The following ELAVL4 variants were observed in gnomAD, a reference collection of about 807,000 sequenced individuals.
ELAVL4 encodes ELAV like RNA binding protein 4.
In ELAVL4, 1 loss-of-function variant was observed where a neutral mutation model predicts 35.6. The observed-to-expected ratio is 0.03, with a 90% CI of 0.01 to 0.13. The LOEUF (loss-of-function observed/expected upper bound fraction) is 0.13, where lower values mean the gene tolerates loss of function less well. Among genes scored for constraint, ELAVL4 ranks in the 10% least tolerant of loss-of-function variants. The probability of loss-of-function intolerance (pLI) is 1.00; values close to 1 mark genes in which losing one functional copy is unlikely to be tolerated. For synonymous variants in ELAVL4, 156 were observed against 171.0 expected (o/e 0.91, Z 0.69); for missense variants, 267 against 464.9 (o/e 0.57, Z 3.91).
chr1:50,048,095 G>A, exon 1 of ELAVL4: 2 of 1,445,426 alleles, frequency 1.4e-6, no homozygotes, highest in Non-Finnish European at 1.8e-6. Flanking sequence ...CTCTGCGGAC[G>A]TCTTCCCGCC....
intron 1 of ELAVL4, among the ~76,000 whole-genome samples, chr1:50,110,470 T>G (rs1666883028): frequency 6.6e-6 from 1 of 152,204 alleles, no homozygotes; most frequent in Admixed American, 6.5e-5. Context: ...AAAACCTTTC[T>G]GCCGAAGTAG....
At chr1:50,170,157 T>C (rs879299918) in intron 2 of ELAVL4, among the ~76,000 whole-genome samples, 55 of 152,282 alleles carry the variant, frequency 3.6e-4, no homozygotes, top group African/African-American at 1.2e-3. Flanking sequence ...TCAGACAGTA[T>C]CTTGTGGGGC....
At chr1:50,063,250 G>A (rs559232145) in intron 1 of ELAVL4, among the ~76,000 whole-genome samples, 2 of 152,146 alleles carry the variant, frequency 1.3e-5, no homozygotes, top group Non-Finnish European at 1.5e-5. Context: ...CTTGGTAATT[G>A]AGTAAACGCT....
intron 3 of ELAVL4, chr1:50,180,257 A>G (rs1310537593): frequency 6.6e-6 from 1 of 152,104 alleles, no homozygotes; most frequent in Non-Finnish European, 1.5e-5. Flanking sequence ...CTGAAACCCA[A>G]AATGCTCCAA....
At chr1:50,133,639 GAAAGAAAGAAAGAGAA>G (rs1291424633) in intron 1 of ELAVL4, among the ~76,000 whole-genome samples, 15 of 147,542 alleles carry the variant, frequency 1.0e-4, no homozygotes, top group African/African-American at 3.1e-4. Flanking sequence ...AAGAAAGAAA[GAAAGAAAGAAAGAGAA>G]AGAAAGAAAG....
chr1:50,110,093 G>T, intron 1 of ELAVL4: 1 of 1,230,864 alleles, frequency 8.1e-7, no homozygotes. Flanking sequence ...GATCGTTTGT[G>T]TGTGTATGTA....
At chr1:50,164,019 G>T (rs539880685) in intron 2 of ELAVL4, among the ~76,000 whole-genome samples, 1 of 152,160 alleles carries the variant, frequency 6.6e-6, no homozygotes. Flanking sequence ...CCTCTGGGCC[G>T]TAATGGGCCT....
chr1:50,106,425 A>G, upstream of ELAVL4: 1 of 1,552,322 alleles, frequency 6.4e-7, no homozygotes, highest in Non-Finnish European at 8.9e-7. Context: ...TGGCAGCCCC[A>G]CAGTGCTGGG....
chr1:50,174,926 T>A (rs1017786677), intron 2 of ELAVL4, among the ~76,000 whole-genome samples: 1 of 152,186 alleles, frequency 6.6e-6, no homozygotes, highest in Non-Finnish European at 1.5e-5. Flanking sequence ...CAATGTGAGT[T>A]AGGTCTAATT....
chr1:50,092,557 T>C (rs1204672565), intron 1 of ELAVL4, among the ~76,000 whole-genome samples: 1 of 152,238 alleles, frequency 6.6e-6, no homozygotes, highest in Non-Finnish European at 1.5e-5. Flanking sequence ...AGGCAGTGGT[T>C]TGGGTCTGAC....
intron 1 of ELAVL4, among the ~76,000 whole-genome samples, chr1:50,133,598 G>GA (rs558790758): frequency 0.018 from 645 of 36,264 alleles, 9 homozygotes; most frequent in African/African-American, 0.054. Flanking sequence ...AAGAAAGAAA[G>GA]AAAAGAAAGA....
chr1:50,112,862 C>A (rs984767703), intron 1 of ELAVL4, among the ~76,000 whole-genome samples: 1 of 152,010 alleles, frequency 6.6e-6, no homozygotes, highest in Non-Finnish European at 1.5e-5. Flanking sequence ...CCCAATACTC[C>A]TTCCTTGGTC....
At chr1:50,104,993 G>A (rs11205683), upstream of ELAVL4, among the ~76,000 whole-genome samples, 14,251 of 152,242 alleles carry the variant, frequency 0.094, 918 homozygotes, top group African/African-American at 0.17. Flanking sequence ...ACAGCAATGG[G>A]TAGAGACATG....
intron 1 of ELAVL4, among the ~76,000 whole-genome samples, chr1:50,058,333 A>T (rs955937133): frequency 1.3e-5 from 2 of 152,228 alleles, no homozygotes; most frequent in African/African-American, 4.8e-5. Context: ...TTGATGTGAG[A>T]TGGATTGACA....
At chr1:50,104,724 A>G (rs535450386), upstream of ELAVL4, among the ~76,000 whole-genome samples, 1 of 152,240 alleles carries the variant, frequency 6.6e-6, no homozygotes, top group African/African-American at 2.4e-5. Context: ...TGCATGCTTT[A>G]TAAGTAATAA....
chr1:50,058,839 A>G (rs532782934), intron 1 of ELAVL4, among the ~76,000 whole-genome samples: 1 of 152,136 alleles, frequency 6.6e-6, no homozygotes, highest in South Asian at 2.1e-4. Context: ...CCTGGGCTCA[A>G]GCAATCCATC....
At chr1:50,153,692 T>A (rs1035139507) in intron 2 of ELAVL4, among the ~76,000 whole-genome samples, 1 of 152,216 alleles carries the variant, frequency 6.6e-6, no homozygotes, top group African/African-American at 2.4e-5. Context: ...GACATTGTTA[T>A]GGAATGAATG....
At chr1:50,165,603 T>A (rs2148779956) in intron 2 of ELAVL4, among the ~76,000 whole-genome samples, 1 of 147,966 alleles carries the variant, frequency 6.8e-6, no homozygotes, top group East Asian at 2.0e-4. Context: ...TATACGTGTA[T>A]GTATACGTAT....
chr1:50,186,540 C>T (rs952528743), intron 3 of ELAVL4, among the ~76,000 whole-genome samples: 9 of 152,074 alleles, frequency 5.9e-5, no homozygotes, highest in East Asian at 1.9e-4. Context: ...GCCTGGGACT[C>T]GTGGAGGAGG....
Sources: gnomAD v4.1 joint callset for allele counts (sites outside exome capture counted in the v4.1 genomes callset) on GRCh38, gnomAD v4.1.1 for gene constraint, MANE v1.5 for transcripts, NCBI Gene and HGNC (gene_info 2026-07-23, HGNC 2026-07-21) for gene names.